Variants in ZNF550 observed in about 807,000 individuals in gnomAD.
The protein encoded by ZNF550 is zinc finger protein 550.
Under a neutral mutation model 40.2 loss-of-function variants are expected in ZNF550, and 42 were observed. That is an observed-to-expected ratio of 1.05 (90% CI 0.82 to 1.35). The LOEUF is 1.35. ZNF550 is among the 40% of genes most tolerant of loss of function. The pLI, the probability that ZNF550 is intolerant of heterozygous loss-of-function variation, is 0.00. For synonymous variants in ZNF550, 223 were observed against 198.6 expected (o/e 1.12, Z -1.03); for missense variants, 549 against 525.2 (o/e 1.05, Z -0.44).
upstream of ZNF550, among the ~76,000 whole-genome samples, chr19:57,561,301 A>G (rs1238226790): frequency 6.6e-6 from 1 of 152,244 alleles, no homozygotes; most frequent in African/African-American, 2.4e-5. The surrounding 1 kb of genome is among the most constrained non-coding windows in gnomAD (Gnocchi z 4.9). Context: ...AGAACCAATA[A>G]GGCAGAGAGA....
intron 1 of ZNF550, chr19:57,556,770 G>C (rs2090125363): frequency 5.1e-6 from 1 of 194,898 alleles, no homozygotes; most frequent in African/African-American, 2.4e-5. Flanking sequence ...GAAGACATAA[G>C]AAACTCCATT....
rs1279432888 is a variant in ZNF550 at position 57,554,293 on chromosome 19, G to A, written c.155-1571C>T. ...GTGAAAAGAAAGCATTTATTCCAAG[G>A]TGGGAGGATGGATTGAACATGGGGG... On this transcript the variant is annotated intron_variant, in intron 2 of 4. Coordinates refer to ENST00000457177, the Ensembl canonical transcript of ZNF550. This position sits in a 1 kb window ranked among gnomAD's most constrained non-coding sequence, Gnocchi z 4.5. 2 of 152,260 alleles carry A rather than the reference G, an allele frequency of 1.3e-5. No homozygotes were observed. Among genetic ancestry groups the A allele is most frequent in the Admixed American group, 6.5e-5 (1 of 15,290 alleles). 9.4% of individuals were successfully genotyped at this position (152,260 alleles called of 1,614,324 possible).
chr19:57,559,319 G>A (rs2090149502), intron 1 of ZNF550, among the ~76,000 whole-genome samples: 1 of 152,104 alleles, frequency 6.6e-6, no homozygotes, highest in African/African-American at 2.4e-5. Flanking sequence ...GAAGGACGAG[G>A]ACAGTAACGG....
chr19:57,547,686 G>A (rs773152173), exon 4 of ZNF550: 1 of 1,614,192 alleles, frequency 6.2e-7, no homozygotes, highest in Non-Finnish European at 8.5e-7. Flanking sequence ...GTTGCTGTGA[G>A]TCACATTCAT....
chr19:57,548,080 G>C (rs1008205933), intron 3 of ZNF550, 87 bp from the exon 4 acceptor site: 4 of 1,228,540 alleles, frequency 3.3e-6, no homozygotes, highest in Admixed American at 2.2e-5. Context: ...GGAAAATGAA[G>C]ATGAAAATAG....
At chr19:57,544,031 C>T (rs2089986025) in intron 4 of ZNF550, 1 of 985,324 alleles carries the variant, frequency 1.0e-6, no homozygotes, top group Admixed American at 6.1e-5. Context: ...AAAACTTCTA[C>T]TGACTTAAAA....
At chr19:57,560,030 C>A (rs1438889301), upstream of ZNF550, among the ~76,000 whole-genome samples, 1 of 152,240 alleles carries the variant, frequency 6.6e-6, no homozygotes, top group Non-Finnish European at 1.5e-5. Flanking sequence ...CAAGTGTACA[C>A]ACTGGATTGT....
At chr19:57,561,163 T>C (rs1396903047), upstream of ZNF550, among the ~76,000 whole-genome samples, 3 of 152,224 alleles carry the variant, frequency 2.0e-5, no homozygotes, top group African/African-American at 7.2e-5. The surrounding 1 kb of genome is among the most constrained non-coding windows in gnomAD (Gnocchi z 4.9). Context: ...TTTTATTTGT[T>C]GTTCGAATTT....
exon 4 of ZNF550, chr19:57,547,294 C>T (rs2090023022): frequency 2.5e-6 from 4 of 1,614,144 alleles, no homozygotes; most frequent in Non-Finnish European, 3.4e-6. Flanking sequence ...ACATTCTTTG[C>T]ACTCAAAGGG....
At chr19:57,541,897 G>C (rs1466791124) in exon 5 of ZNF550, 1 of 151,962 alleles carries the variant, frequency 6.6e-6, no homozygotes, top group Non-Finnish European at 1.5e-5. Flanking sequence ...ATAAACTTCA[G>C]AACCAAAGTT....
rs746441636 is a variant in ZNF550 at position 57,556,214 on chromosome 19, G to A, written c.154+17C>T. 22 of 1,613,844 alleles carry A rather than the reference G, an allele frequency of 1.4e-5. No individual in the cohort carries two copies. Among genetic ancestry groups the A allele is most frequent in the African/African-American group, 2.7e-5 (2 of 74,912 alleles). ...CAGGGTTAGGGTCCTCCTCAGGGAT[G>A]AGAGGTGAGTCATTACCTAGTGAAA... is the stretch of plus-strand genomic sequence containing the variant. On this transcript the variant is annotated intron_variant, in intron 2 of 4. Transcript: ENST00000457177.
exon 4 of ZNF550, chr19:57,547,250 G>T: frequency 1.2e-6 from 2 of 1,614,118 alleles, no homozygotes; most frequent in Non-Finnish European, 1.7e-6. Context: ...ATGTAATGTT[G>T]AATTAGGTGG....
chr19:57,558,298 TC>T (rs1248016489), intron 1 of ZNF550, among the ~76,000 whole-genome samples: 1 of 152,088 alleles, frequency 6.6e-6, no homozygotes, highest in African/African-American at 2.4e-5. Context: ...AGCTCAGGAT[TC>T]CCTGGATGAA....
chr19:57,546,348 T>TAAA (rs747779325), intron 4 of ZNF550: 41 of 265,592 alleles, frequency 1.5e-4, no homozygotes, highest in African/African-American at 8.7e-4. Context: ...GAATGTATGT[T>TAAA]AAAAAAAAAA....
At chr19:57,550,059 T>C (rs2090059342) in intron 3 of ZNF550, among the ~76,000 whole-genome samples, 1 of 152,208 alleles carries the variant, frequency 6.6e-6, no homozygotes, top group African/African-American at 2.4e-5. Flanking sequence ...ACCCTTATTA[T>C]TTTCATTGCT....
At chr19:57,556,655 G>A (rs1209623264) in intron 1 of ZNF550, 2 of 279,376 alleles carry the variant, frequency 7.2e-6, no homozygotes, top group East Asian at 9.7e-5. Flanking sequence ...AAAGAATGGA[G>A]GAAAATGACT....
exon 4 of ZNF550, chr19:57,547,657 A>G (rs1465363272): frequency 1.2e-6 from 2 of 1,614,048 alleles, no homozygotes; most frequent in African/African-American, 1.3e-5. Context: ...CCCTGCATGA[A>G]TCAAGGCGTC....
intron 4 of ZNF550, chr19:57,544,142 T>G (rs961851150): frequency 8.1e-6 from 8 of 985,344 alleles, no homozygotes; most frequent in Non-Finnish European, 9.6e-6. Context: ...GCAGGACCCA[T>G]AGCCCAGCCA....
chr19:57,553,414 ATTTTC>A (rs896196969), intron 2 of ZNF550: 2 of 152,100 alleles, frequency 1.3e-5, no homozygotes, highest in Non-Finnish European at 2.9e-5. Context: ...TCCAGAAGGC[ATTTTC>A]TTTCTTTCTT....
Sources: gnomAD v4.1 joint callset for allele counts (sites outside exome capture counted in the v4.1 genomes callset) on GRCh38, gnomAD v4.1.1 for gene constraint, Gnocchi (gnomAD v3.1) non-coding constraint, MANE v1.5 for transcripts, NCBI Gene and HGNC (gene_info 2026-07-23, HGNC 2026-07-21) for gene names.